Variants in RALYL observed in about 807,000 individuals in gnomAD.
RALYL encodes the protein RNA-binding Raly-like protein.
In RALYL, 29 loss-of-function variants were observed where a neutral mutation model predicts 35.1. The observed-to-expected ratio is 0.83, with a 90% confidence interval of 0.61 to 1.13. The LOEUF (loss-of-function observed/expected upper bound fraction) is 1.13. RALYL is among the 50% of genes most tolerant of loss of function. RALYL has a pLI of 0.00. For synonymous variants in RALYL, 120 were observed against 127.6 expected (o/e 0.94, Z 0.40); for missense variants, 359 against 360.4 (o/e 1.00, Z 0.03).
At chr8:84,627,638 T>A (rs1217447878) in intron 2 of RALYL, among the ~76,000 whole-genome samples, 1 of 151,704 alleles carries the variant, frequency 6.6e-6, no homozygotes, top group Non-Finnish European at 1.5e-5. Context: ...TCTCTTTCAC[T>A]TCTTTCTCTG....
intron 1 of RALYL, among the ~76,000 whole-genome samples, chr8:84,457,783 AC>A (rs2050309082): frequency 6.6e-6 from 1 of 151,528 alleles, no homozygotes; most frequent in Admixed American, 6.6e-5. Flanking sequence ...TTTGCTCTAA[AC>A]CTTAAGTCAG....
Position 84,397,836 on chromosome 8 carries a change from T to G in RALYL, c.-23-131463T>G, listed in dbSNP as rs533834599. Among the ~76,000 whole-genome samples the G allele has an allele frequency of 2.0e-5, 3 of 152,296 alleles. No homozygotes were observed. The South Asian group carries it at 6.2e-4, about 32-fold the overall frequency. On this transcript the variant is annotated intron_variant, in intron 1 of 8. Transcript: ENST00000521268. ...CTCCTGTTTTCTGGGAGTATTTAAT[T>G]TTAAGAGAGACCCATACTTCCTTTT...
intron 2 of RALYL, among the ~76,000 whole-genome samples, chr8:84,673,571 G>C (rs1376897829): frequency 1.3e-5 from 2 of 152,020 alleles, no homozygotes; most frequent in Non-Finnish European, 2.9e-5. Flanking sequence ...GTAAGGAAGG[G>C]GTCCAGTTTT....
At chr8:84,578,745 TC>T (rs1810112897) in intron 2 of RALYL, among the ~76,000 whole-genome samples, 1 of 152,124 alleles carries the variant, frequency 6.6e-6, no homozygotes, top group Non-Finnish European at 1.5e-5. Context: ...AGGCAAGCTG[TC>T]CCAACAAGTC....
intron 4 of RALYL, among the ~76,000 whole-genome samples, chr8:84,849,314 A>G (rs1042640784): frequency 6.6e-6 from 1 of 152,124 alleles, no homozygotes; most frequent in Non-Finnish European, 1.5e-5. Context: ...ATAGTTTTAG[A>G]ATTAAAAAAT....
chr8:84,237,606 C>T (rs555181294), intron 1 of RALYL, among the ~76,000 whole-genome samples: 3 of 152,102 alleles, frequency 2.0e-5, no homozygotes, highest in African/African-American at 7.2e-5. Context: ...TTCTTCTTTC[C>T]TAGACAGACC....
chr8:84,319,226 T>TA (rs1844342860), intron 1 of RALYL, among the ~76,000 whole-genome samples: 1 of 152,176 alleles, frequency 6.6e-6, no homozygotes, highest in African/African-American at 2.4e-5. Flanking sequence ...CATTTATACT[T>TA]AAAACAACAG....
At chr8:84,589,710 A>G (rs964985108) in intron 2 of RALYL, among the ~76,000 whole-genome samples, 1 of 152,232 alleles carries the variant, frequency 6.6e-6, no homozygotes, top group African/African-American at 2.4e-5. Context: ...TCAGAACCAG[A>G]GGGCAAATGC....
chr8:84,594,935 C>T (rs77476135), intron 2 of RALYL, among the ~76,000 whole-genome samples: 1 of 151,634 alleles, frequency 6.6e-6, no homozygotes, highest in East Asian at 1.9e-4. Context: ...CTTTTAAAGA[C>T]AGATCATCTC....
intron 2 of RALYL, among the ~76,000 whole-genome samples, chr8:84,637,986 A>T (rs192376546): frequency 6.6e-6 from 1 of 151,954 alleles, no homozygotes; most frequent in African/African-American, 2.4e-5. Context: ...AGAACATTCT[A>T]CCCAAAAACT....
intron 8 of RALYL, among the ~76,000 whole-genome samples, chr8:84,896,676 TTTGC>T (rs1844799628): frequency 1.3e-5 from 2 of 152,156 alleles, no homozygotes; most frequent in African/African-American, 4.8e-5. Flanking sequence ...GGCCTTGGCA[TTTGC>T]TGCACCCCTG....
At chr8:84,600,184 T>C (rs1815589742) in intron 2 of RALYL, among the ~76,000 whole-genome samples, 1 of 152,160 alleles carries the variant, frequency 6.6e-6, no homozygotes, top group Non-Finnish European at 1.5e-5. Context: ...ATTTTGCTTT[T>C]TCCCTTCTAA....
chr8:84,243,412 C>T (rs1288481505), intron 1 of RALYL, among the ~76,000 whole-genome samples: 1 of 150,956 alleles, frequency 6.6e-6, no homozygotes, highest in East Asian at 2.0e-4. Flanking sequence ...CTATAAATTA[C>T]TTAGGGCAGT....
chr8:84,303,571 G>C (rs1408099737), intron 1 of RALYL, among the ~76,000 whole-genome samples: 1 of 152,044 alleles, frequency 6.6e-6, no homozygotes, highest in East Asian at 1.9e-4. Context: ...GAGAGATGTA[G>C]GTATTTAGGA....
At chr8:84,716,868 G>A (rs530976814) in intron 2 of RALYL, among the ~76,000 whole-genome samples, 2 of 152,042 alleles carry the variant, frequency 1.3e-5, no homozygotes, top group African/African-American at 4.8e-5. Context: ...TGAAACTTGA[G>A]TATCTAGGAA....
At chr8:84,411,757 T>A (rs2044126163) in intron 1 of RALYL, among the ~76,000 whole-genome samples, 1 of 151,998 alleles carries the variant, frequency 6.6e-6, no homozygotes. Flanking sequence ...TGCTTGCCTT[T>A]GAATATATTT....
intron 2 of RALYL, among the ~76,000 whole-genome samples, chr8:84,728,502 T>G (rs1455662930): frequency 2.8e-4 from 42 of 151,570 alleles, no homozygotes; most frequent in Admixed American, 1.8e-3. Flanking sequence ...GTCAATTTTG[T>G]CTTTTGTTGC....
At chr8:84,912,326 G>A (rs1847646556) in intron 8 of RALYL, among the ~76,000 whole-genome samples, 1 of 152,024 alleles carries the variant, frequency 6.6e-6, no homozygotes, top group Non-Finnish European at 1.5e-5. Flanking sequence ...AAGGGTTTTA[G>A]GAGCTCTGTG....
At chr8:84,432,257 C>A (rs891905628) in intron 1 of RALYL, among the ~76,000 whole-genome samples, 1 of 152,024 alleles carries the variant, frequency 6.6e-6, no homozygotes, top group Non-Finnish European at 1.5e-5. Flanking sequence ...AGCCATTATG[C>A]TAAGTGAAAT....
Sources: gnomAD v4.1 joint callset for allele counts (sites outside exome capture counted in the v4.1 genomes callset) on GRCh38, gnomAD v4.1.1 for gene constraint, MANE v1.5 for transcripts, NCBI Gene and HGNC (gene_info 2026-07-23, HGNC 2026-07-21) for gene names.